Variants in SLC35A3 observed in about 807,000 individuals in gnomAD.
SLC35A3 encodes UDP-N-acetylglucosamine transporter.
In SLC35A3, 26 loss-of-function variants were observed where a neutral mutation model predicts 39.0. The observed-to-expected ratio is 0.67, with a 90% CI of 0.49 to 0.92. The LOEUF (loss-of-function observed/expected upper bound fraction) is 0.92, where lower values mean the gene tolerates loss of function less well. Among genes scored for constraint, SLC35A3 ranks in the 40% least tolerant of loss-of-function variants. SLC35A3 has a pLI of 0.00. For synonymous variants in SLC35A3, 135 were observed against 133.1 expected, an observed-to-expected ratio of 1.01 and a Z score of -0.10; for missense variants, 299 against 371.6, an observed-to-expected ratio of 0.80 and a Z score of 1.61.
intron 6 of SLC35A3, among the ~76,000 whole-genome samples, chr1:100,016,059 T>C (rs1048740145): frequency 1.3e-5 from 2 of 149,496 alleles, no homozygotes; most frequent in African/African-American, 2.5e-5. Context: ...GGTAGGATAC[T>C]TCTATTTTTT....
At chr1:100,019,381 T>TTGAA (rs71719100) in intron 7 of SLC35A3, among the ~76,000 whole-genome samples, 1,668 of 149,266 alleles carry the variant, frequency 0.011, 11 homozygotes, top group South Asian at 0.024. Context: ...ACTGCCATTA[T>TTGAA]TGAATGAATG....
chr1:99,970,514 G>A, intron 1 of SLC35A3: 2 of 1,523,098 alleles, frequency 1.3e-6, no homozygotes, highest in Non-Finnish European at 1.8e-6. Context: ...GCTGGGGCCC[G>A]TCATTCCTTC....
At chr1:100,019,980 C>G (rs551330522) in intron 7 of SLC35A3, among the ~76,000 whole-genome samples, 4 of 152,270 alleles carry the variant, frequency 2.6e-5, no homozygotes, top group African/African-American at 7.2e-5. Context: ...TGCCTGCTGG[C>G]CACTGTGCTA....
intron 5 of SLC35A3, among the ~76,000 whole-genome samples, chr1:100,014,302 C>T (rs949472704): frequency 6.6e-6 from 1 of 152,150 alleles, no homozygotes; most frequent in Non-Finnish European, 1.5e-5. Flanking sequence ...CCCACTGTAA[C>T]CTCAAACTTC....
At chr1:100,015,696 A>G (rs1183095772) in intron 6 of SLC35A3, 1 of 359,650 alleles carries the variant, frequency 2.8e-6, no homozygotes, top group Non-Finnish European at 4.9e-6. Flanking sequence ...AGGCAAATAT[A>G]ACTTTTGATT....
chr1:100,005,139 T>A (rs946809848), intron 3 of SLC35A3, among the ~76,000 whole-genome samples: 2 of 152,134 alleles, frequency 1.3e-5, no homozygotes, highest in Non-Finnish European at 2.9e-5. Context: ...TTTGAATATA[T>A]CATCTAATTC....
At chr1:99,970,226 G>T in intron 1 of SLC35A3, 64 bp downstream of exon 1, 1 of 218,734 alleles carries the variant, frequency 4.6e-6, no homozygotes, top group Non-Finnish European at 9.0e-6. Context: ...GGGGCGGCCC[G>T]GGAAGCTCCT....
intron 3 of SLC35A3, among the ~76,000 whole-genome samples, chr1:100,001,617 C>G (rs746221888): frequency 1.3e-5 from 2 of 151,874 alleles, no homozygotes; most frequent in Non-Finnish European, 1.5e-5. Flanking sequence ...TTAGGGTCCT[C>G]TCTATATAAG....
intron 1 of SLC35A3, among the ~76,000 whole-genome samples, chr1:99,971,278 C>T (rs562626660): frequency 6.6e-6 from 1 of 151,518 alleles, no homozygotes; most frequent in South Asian, 2.1e-4. Context: ...GAATTTGAGT[C>T]TGACGGTGGC....
At chr1:99,995,602 G>GAT (rs1187653210) in intron 2 of SLC35A3, among the ~76,000 whole-genome samples, 1 of 152,232 alleles carries the variant, frequency 6.6e-6, no homozygotes, top group South Asian at 2.1e-4. Flanking sequence ...TGCAATTAAT[G>GAT]ATATATATAA....
At chr1:100,005,951 T>A (rs1659194296) in intron 3 of SLC35A3, among the ~76,000 whole-genome samples, 1 of 152,264 alleles carries the variant, frequency 6.6e-6, no homozygotes, top group Admixed American at 6.5e-5. Context: ...TCTGTGCATC[T>A]GGTATAACAA....
intron 3 of SLC35A3, 112 bp downstream of exon 3, chr1:99,999,527 T>G (rs1658625022): frequency 1.6e-6 from 1 of 617,418 alleles, no homozygotes; most frequent in African/African-American, 1.9e-5. Context: ...CAATGTGTAA[T>G]GATCAAATCA....
intron 6 of SLC35A3, among the ~76,000 whole-genome samples, chr1:100,016,373 C>G (rs1660120991): frequency 1.7e-5 from 2 of 120,512 alleles, no homozygotes; most frequent in South Asian, 2.6e-4. Context: ...CCGGATACTT[C>G]TATTTTTTTT....
At chr1:99,985,915 G>T (rs1657716490) in intron 1 of SLC35A3, among the ~76,000 whole-genome samples, 1 of 152,066 alleles carries the variant, frequency 6.6e-6, no homozygotes, top group African/African-American at 2.4e-5. Context: ...TGTGTACATT[G>T]CTTTTGTATC....
chr1:100,002,750 G>A (rs1341614927), intron 3 of SLC35A3, among the ~76,000 whole-genome samples: 2 of 152,070 alleles, frequency 1.3e-5, no homozygotes, highest in East Asian at 3.9e-4. Flanking sequence ...CTGAATAGCT[G>A]AGAATATAGG....
chr1:99,993,661 G>C lies in SLC35A3; in HGVS notation c.107G>C (p.Arg36Pro). 6.2e-7 allele frequency: 1 copy of C among 1,613,876 alleles called. No homozygotes were observed. The highest frequency in any genetic ancestry group is 8.5e-7 in the Non-Finnish European group (1 of 1,179,920). The change falls in exon 2 of 8, where the codon CGT (arginine) becomes CCT (proline). Residue 36 changes from arginine (R) to proline (P), a missense_variant. Physicochemically the swap from Arg to Pro is moderately radical, Grantham distance 103. Coordinates refer to ENST00000533028, the MANE Select transcript of SLC35A3 (RefSeq NM_012243.3). The part of the protein sequence containing the change: ...YSRTLKEEGP[R>P]YLSSTAVVVA... ...AGAACTTTAAAAGAAGAAGGACCTC[G>C]TTATCTATCTTCTACAGCAGTGGTT...
chr1:99,981,856 A>AT (rs2101058285), intron 1 of SLC35A3, among the ~76,000 whole-genome samples: 1 of 152,086 alleles, frequency 6.6e-6, no homozygotes, highest in Admixed American at 6.5e-5. Context: ...GGCTGGAGAC[A>AT]TATCAGCAAA....
chr1:100,024,901 C>G lies in SLC35A3; in HGVS notation c.*2425C>G, dbSNP rs1247153004. 5.6e-6 allele frequency: 2 copies of G among 359,420 alleles called. No homozygotes were observed. The highest frequency in any genetic ancestry group is 9.9e-6 in the Non-Finnish European group (2 of 202,078). 22.3% of individuals were successfully genotyped at this position (359,420 alleles called of 1,614,324 possible). ...GAATTGGCTCAAAAATACTATGTTA[C>G]AGACTGTTGGGTACCCTTGCCTAAC... is the stretch of plus-strand genomic sequence containing the variant. On this transcript the variant is annotated 3_prime_UTR_variant, in exon 8 of 8. Coordinates refer to ENST00000533028, the MANE Select transcript of SLC35A3 (RefSeq NM_012243.3).
rs1282648211 is a variant in SLC35A3, at chr1:100,011,415, A to C, written c.516A>C (p.Gln172His). The C allele has an allele frequency of 5.1e-6, 8 of 1,576,880 alleles. No homozygotes were observed. The highest frequency in any genetic ancestry group is 1.2e-5 in the South Asian group (1 of 84,844). Residue 172 changes from glutamine to histidine, a missense_variant, in exon 5 of 8, where the codon CAA becomes CAC. Coordinates refer to ENST00000533028, the MANE Select transcript of SLC35A3 (RefSeq NM_012243.3). The part of the protein sequence containing the change: ...LDSKELSAGS[Q>H]FVGLMAVLTA... ...CTAAGGAACTTTCAGCTGGTTCTCA[A>C]TTTGTAGGACTCATGGCAGTTCTCA...
Sources: gnomAD v4.1 joint callset for allele counts (sites outside exome capture counted in the v4.1 genomes callset) on GRCh38, gnomAD v4.1.1 for gene constraint, MANE v1.5 for transcripts, NCBI Gene and HGNC (gene_info 2026-07-23, HGNC 2026-07-21) for gene names.